The following MAP2K1 variants were observed in gnomAD, a reference collection of about 807,000 sequenced individuals.
MAP2K1 encodes dual specificity mitogen-activated protein kinase kinase 1.
A neutral mutation model predicts 46.3 loss-of-function variants in MAP2K1; 16 were observed. The ratio of observed to expected loss-of-function variants is 0.35; its 90% CI spans 0.23 to 0.52. The LOEUF (loss-of-function observed/expected upper bound fraction) is 0.52, where lower values mean the gene tolerates loss of function less well. MAP2K1 is among the 20% of genes least tolerant of loss of function. The probability of loss-of-function intolerance (pLI) is 0.94; values close to 1 mark genes in which losing one functional copy is unlikely to be tolerated. For missense variants in MAP2K1, 263 were observed against 497.1 expected (o/e 0.53, Z 4.48); for synonymous variants, 183 against 185.6 (o/e 0.99, Z 0.11).
At chr15:66,399,709 G>T (rs897838663) in intron 1 of MAP2K1, among the ~76,000 whole-genome samples, 10 of 152,178 alleles carry the variant, frequency 6.6e-5, no homozygotes, top group Non-Finnish European at 4.4e-5. Flanking sequence ...TGATCCTCCT[G>T]CCTCAGCCTT....
At chr15:66,456,544 T>TG (rs1408726138) in intron 5 of MAP2K1, among the ~76,000 whole-genome samples, 1 of 152,218 alleles carries the variant, frequency 6.6e-6, no homozygotes, top group Non-Finnish European at 1.5e-5. Context: ...TTCTCTTCAC[T>TG]GGAGGCAGGA....
chr15:66,392,816 G>A (rs1036858668), intron 1 of MAP2K1, among the ~76,000 whole-genome samples: 51 of 152,024 alleles, frequency 3.4e-4, no homozygotes, highest in Admixed American at 3.2e-3. Flanking sequence ...GCCTCCCAAA[G>A]TGTTGGGCTT....
At chr15:66,398,664 G>GA (rs925810312) in intron 1 of MAP2K1, among the ~76,000 whole-genome samples, 4 of 148,176 alleles carry the variant, frequency 2.7e-5, no homozygotes, top group African/African-American at 5.0e-5. Context: ...AAACAAAACA[G>GA]AAAAAAAAAT....
intron 1 of MAP2K1, among the ~76,000 whole-genome samples, chr15:66,391,524 G>A (rs938195432): frequency 1.5e-4 from 23 of 152,092 alleles, no homozygotes; most frequent in South Asian, 2.1e-4. Context: ...TCCTGATCTC[G>A]TGATCCCAAA....
chr15:66,444,096 G>A (rs1353847452), intron 4 of MAP2K1, among the ~76,000 whole-genome samples: 1 of 151,860 alleles, frequency 6.6e-6, no homozygotes, highest in Admixed American at 6.6e-5. Context: ...AAATTAGCCG[G>A]GGGTGTTGGT....
intron 10 of MAP2K1, chr15:66,490,024 AC>A (rs1893192874): frequency 1.7e-6 from 1 of 584,204 alleles, no homozygotes; most frequent in Non-Finnish European, 3.0e-6. Context: ...AGGCCAGCCC[AC>A]CCCCTTCATG....
At position 66,436,812 on chromosome 15, in the gene MAP2K1, G is replaced by A. The variant is rs2140583782; in HGVS notation, c.358G>A (p.Glu120Lys). 2.5e-6 allele frequency: 4 copies of A among 1,614,202 alleles called. No homozygotes were observed. The highest frequency in any genetic ancestry group is 3.4e-6 in the Non-Finnish European group (4 of 1,180,014). The change falls in exon 3 of 11, where the codon GAG becomes AAG. Residue 120 changes from glutamate (E) to lysine (K), a missense_variant. This residue lies in a region of MAP2K1 where 103 missense variants were observed against 221.6 expected (regional missense o/e 0.46). Coordinates refer to ENST00000307102, the MANE Select transcript of MAP2K1 (RefSeq NM_002755.4). The part of the protein sequence containing the change: ...QIIRELQVLH[E>K]CNSPYIVGFY... ...CATAAGGGAGCTGCAGGTTCTGCATGAGTGCAACTCTCCGTACATCGTGGG... is the reference window on the plus strand; with the variant it reads ...CATAAGGGAGCTGCAGGTTCTGCATAAGTGCAACTCTCCGTACATCGTGGG...
intron 5 of MAP2K1, among the ~76,000 whole-genome samples, chr15:66,455,477 T>C (rs1892143275): frequency 1.3e-5 from 2 of 152,234 alleles, no homozygotes; most frequent in Non-Finnish European, 2.9e-5. Context: ...TTCCTGCACT[T>C]AGGAATTTTT....
At chr15:66,417,404 C>T (rs1002143787) in intron 1 of MAP2K1, among the ~76,000 whole-genome samples, 2 of 152,028 alleles carry the variant, frequency 1.3e-5, no homozygotes, top group Non-Finnish European at 2.9e-5. Flanking sequence ...AACCCTGTCT[C>T]TACAGAAAAT....
chr15:66,437,019 G>T, intron 3 of MAP2K1, 127 bp downstream of exon 3: 1 of 998,328 alleles, frequency 1.0e-6, no homozygotes, highest in Non-Finnish European at 1.6e-6. Flanking sequence ...ACTATCTGGG[G>T]CATCTGGGAA....
intron 2 of MAP2K1, 43 bp downstream of exon 2, chr15:66,435,280 G>A (rs1595861065): frequency 6.6e-7 from 1 of 1,518,340 alleles, no homozygotes; most frequent in East Asian, 2.3e-5. Flanking sequence ...TATTTCTCAG[G>A]GTACTTAGAA....
At chr15:66,475,134 A>G (rs550465248) in intron 5 of MAP2K1, among the ~76,000 whole-genome samples, 2 of 152,318 alleles carry the variant, frequency 1.3e-5, no homozygotes, top group South Asian at 4.1e-4. Context: ...GGATTTTCTC[A>G]GAATTTTAAT....
At chr15:66,396,706 C>T (rs1555412850) in intron 1 of MAP2K1, among the ~76,000 whole-genome samples, 3 of 151,916 alleles carry the variant, frequency 2.0e-5, no homozygotes, top group Non-Finnish European at 4.4e-5. Flanking sequence ...TTTTTTGAGA[C>T]AGAGTTTTGC....
chr15:66,466,940 G>T (rs1025999237), intron 5 of MAP2K1, among the ~76,000 whole-genome samples: 1 of 152,060 alleles, frequency 6.6e-6, no homozygotes, highest in African/African-American at 2.4e-5. Flanking sequence ...GTATTCAGGA[G>T]CACCTGTTAG....
At chr15:66,464,519 A>ATTGTTTTTT (rs1892413037) in intron 5 of MAP2K1, among the ~76,000 whole-genome samples, 1 of 152,098 alleles carries the variant, frequency 6.6e-6, no homozygotes, top group African/African-American at 2.4e-5. Context: ...AATTGAAAAC[A>ATTGTTTTTT]TTGTTTTTTT....
At chr15:66,392,516 A>C (rs1341427016) in intron 1 of MAP2K1, among the ~76,000 whole-genome samples, 1 of 149,438 alleles carries the variant, frequency 6.7e-6, no homozygotes, top group Non-Finnish European at 1.5e-5. Context: ...ACCATCCCTA[A>C]ATTTTATATC....
chr15:66,432,348 T>A (rs2093476920), intron 1 of MAP2K1, among the ~76,000 whole-genome samples: 1 of 152,012 alleles, frequency 6.6e-6, no homozygotes, highest in Non-Finnish European at 1.5e-5. Flanking sequence ...GCATAGGAGG[T>A]AGAGGAGGGA....
At chr15:66,466,752 C>T (rs1187933087) in intron 5 of MAP2K1, among the ~76,000 whole-genome samples, 1 of 152,136 alleles carries the variant, frequency 6.6e-6, no homozygotes, top group Admixed American at 6.6e-5. Context: ...AAAAACAACA[C>T]AAAGAATCAG....
intron 5 of MAP2K1, among the ~76,000 whole-genome samples, chr15:66,471,882 G>T (rs1487456096): frequency 6.6e-6 from 1 of 152,090 alleles, no homozygotes. Flanking sequence ...ATTGAGACCA[G>T]CCTGGCCAAC....
Sources: gnomAD v4.1 joint callset for allele counts (sites outside exome capture counted in the v4.1 genomes callset) on GRCh38, gnomAD v4.1.1 for gene constraint, gnomAD v4.1.1 regional missense constraint, MANE v1.5 for transcripts, NCBI Gene and HGNC (gene_info 2026-07-23, HGNC 2026-07-21) for gene names.